The following ANKS1B variants were observed in gnomAD, a reference collection of about 807,000 sequenced individuals.
ANKS1B encodes the protein ankyrin repeat and sterile alpha motif domain containing 1B, also known as ankyrin repeat and sterile alpha motif domain-containing protein 1B.
Under a neutral mutation model 148.3 loss-of-function variants are expected in ANKS1B, and 36 were observed. The observed-to-expected ratio is 0.24, with a 90% confidence interval of 0.19 to 0.32. The LOEUF (loss-of-function observed/expected upper bound fraction) is 0.32, where lower values mean the gene tolerates loss of function less well. Ranked by LOEUF, ANKS1B falls within the 10% of genes least tolerant of loss-of-function variation. The probability of loss-of-function intolerance (pLI) is 1.00; values close to 1 mark genes in which losing one functional copy is unlikely to be tolerated. For synonymous variants in ANKS1B, 542 were observed against 560.8 expected (o/e 0.97, Z 0.47); for missense variants, 1,157 against 1,542.6 (o/e 0.75, Z 4.19).
chr12:99,710,822 A>C (rs1567692618), intron 8 of ANKS1B, among the ~76,000 whole-genome samples: 1 of 152,120 alleles, frequency 6.6e-6, no homozygotes, highest in Non-Finnish European at 1.5e-5. Context: ...GCCACTCATA[A>C]CTGTATCCCT....
chr12:99,385,943 A>G (rs1378163125), intron 12 of ANKS1B, among the ~76,000 whole-genome samples: 2 of 152,220 alleles, frequency 1.3e-5, no homozygotes, highest in African/African-American at 4.8e-5. Flanking sequence ...CTAGGAACCG[A>G]GAGGTTTGTT....
intron 19 of ANKS1B, among the ~76,000 whole-genome samples, chr12:98,827,130 C>A (rs2099255471): frequency 6.6e-6 from 1 of 152,100 alleles, no homozygotes; most frequent in African/African-American, 2.4e-5. Flanking sequence ...TGGGTTTTGG[C>A]CTTCCATACT....
At chr12:98,885,742 G>A (rs771423788) in intron 17 of ANKS1B, among the ~76,000 whole-genome samples, 3 of 152,124 alleles carry the variant, frequency 2.0e-5, no homozygotes, top group Non-Finnish European at 4.4e-5. Context: ...AAGGAAGCAC[G>A]GCCCAGGAAA....
chr12:99,370,515 G>A (rs2093069858), intron 12 of ANKS1B, among the ~76,000 whole-genome samples: 1 of 151,988 alleles, frequency 6.6e-6, no homozygotes. Flanking sequence ...TAAAAGACAG[G>A]CAACAGACAC....
chr12:99,718,841 T>C (rs1224320331), intron 8 of ANKS1B, among the ~76,000 whole-genome samples: 3 of 152,156 alleles, frequency 2.0e-5, no homozygotes, highest in Admixed American at 6.5e-5. Flanking sequence ...GCTCAGCAAA[T>C]TACCTGGGCT....
chr12:99,607,198 C>A lies in ANKS1B; in HGVS notation c.1272+47869G>T, dbSNP rs562558814. On this transcript the variant is annotated intron_variant, in intron 9 of 26. Transcript: ENST00000683438. ...ACACATGTCCTAGACTTCACCATAG[C>A]CTCCTTCCCAGACCCCAGAATCCAG... Among the ~76,000 whole-genome samples, 15 of 152,190 alleles carry A rather than the reference C, an allele frequency of 9.9e-5. 1 individual carries two copies. The South Asian group carries it at 3.1e-3, about 32-fold the overall frequency.
At chr12:98,757,938 G>A (rs779754697) in intron 25 of ANKS1B, among the ~76,000 whole-genome samples, 20 of 61,468 alleles carry the variant, frequency 3.3e-4, no homozygotes, top group Non-Finnish European at 4.9e-4. Flanking sequence ...ATGTGTGCAC[G>A]TGTGTGTGTG....
chr12:99,093,844 C>A (rs1279920237), intron 15 of ANKS1B, among the ~76,000 whole-genome samples: 1 of 151,880 alleles, frequency 6.6e-6, no homozygotes, highest in Non-Finnish European at 1.5e-5. Flanking sequence ...AGGAAAGGAG[C>A]AAAGAGGAAG....
intron 17 of ANKS1B, among the ~76,000 whole-genome samples, chr12:99,009,164 T>C (rs147457678): frequency 6.6e-6 from 1 of 152,342 alleles, no homozygotes; most frequent in Non-Finnish European, 1.5e-5. Context: ...AGAGAATCTG[T>C]TGGGACAACT....
intron 17 of ANKS1B, among the ~76,000 whole-genome samples, chr12:98,901,729 C>T (rs994731713): frequency 3.9e-5 from 6 of 152,010 alleles, no homozygotes; most frequent in Non-Finnish European, 7.4e-5. Context: ...CTGTGGGAAT[C>T]AGACTCTCTG....
intron 9 of ANKS1B, among the ~76,000 whole-genome samples, chr12:99,633,286 A>G (rs1029308091): frequency 2.0e-5 from 3 of 152,116 alleles, no homozygotes; most frequent in Non-Finnish European, 4.4e-5. Flanking sequence ...ACCAAAACAG[A>G]GATACAGACC....
At chr12:99,090,557 T>C (rs1240469197) in intron 15 of ANKS1B, among the ~76,000 whole-genome samples, 2 of 152,192 alleles carry the variant, frequency 1.3e-5, no homozygotes, top group African/African-American at 2.4e-5. Context: ...AGAATCACTG[T>C]ATAATAGAAT....
At chr12:99,693,497 G>A (rs1027436138) in intron 8 of ANKS1B, among the ~76,000 whole-genome samples, 2 of 152,166 alleles carry the variant, frequency 1.3e-5, no homozygotes, top group Non-Finnish European at 2.9e-5. Context: ...ATGGTTGGCG[G>A]TAAGATGGGA....
At chr12:99,371,847 T>C (rs950012557) in intron 12 of ANKS1B, among the ~76,000 whole-genome samples, 1 of 152,190 alleles carries the variant, frequency 6.6e-6, no homozygotes, top group Non-Finnish European at 1.5e-5. Context: ...AATAAATTAT[T>C]AATAAATGGC....
intron 9 of ANKS1B, among the ~76,000 whole-genome samples, chr12:99,566,862 T>C (rs1465769477): frequency 6.6e-6 from 1 of 152,218 alleles, no homozygotes; most frequent in Non-Finnish European, 1.5e-5. Flanking sequence ...GACTAAGACA[T>C]AGGCTTCCTC....
chr12:99,289,331 AT>A (rs1305659296), intron 12 of ANKS1B, among the ~76,000 whole-genome samples: 1 of 152,084 alleles, frequency 6.6e-6, no homozygotes, highest in African/African-American at 2.4e-5. Context: ...GGAGGCATCG[AT>A]GCCTCACTTT....
intron 15 of ANKS1B, among the ~76,000 whole-genome samples, chr12:99,121,743 A>G (rs143141555): frequency 2.6e-4 from 39 of 152,322 alleles, no homozygotes; most frequent in Middle Eastern, 3.4e-3. Flanking sequence ...GGTGAATGAA[A>G]AGAATTATCC....
intron 4 of ANKS1B, among the ~76,000 whole-genome samples, chr12:99,794,460 T>TACACACACAC (rs148663206): frequency 0.23 from 32,505 of 143,428 alleles, 3,967 homozygotes; most frequent in Middle Eastern, 0.31. Flanking sequence ...GAAAATGTGG[T>TACACACACAC]ACACACACAC....
At chr12:99,193,582 T>C (rs1188021490) in intron 14 of ANKS1B, among the ~76,000 whole-genome samples, 3 of 152,140 alleles carry the variant, frequency 2.0e-5, no homozygotes, top group African/African-American at 7.2e-5. Context: ...ACATTATGCA[T>C]TTTTCTTGTT....
Sources: allele counts gnomAD v4.1 joint callset (sites outside exome capture counted in the v4.1 genomes callset), GRCh38; gene constraint gnomAD v4.1.1; transcripts MANE v1.5; gene names NCBI Gene and HGNC (gene_info 2026-07-23, HGNC 2026-07-21).